Variants in PPHLN1 observed in about 807,000 individuals in gnomAD.
PPHLN1 encodes periphilin-1.
Under a neutral mutation model 51.3 loss-of-function variants are expected in PPHLN1, and 29 were observed. The observed-to-expected ratio is 0.57, with a 90% confidence interval of 0.42 to 0.77. The LOEUF is 0.77. PPHLN1 is among the 30% of genes least tolerant of loss of function. The probability of loss-of-function intolerance (pLI) is 0.00; values close to 1 mark genes in which losing one functional copy is unlikely to be tolerated. For synonymous variants in PPHLN1, 147 were observed against 147.8 expected (o/e 0.99, Z 0.04); for missense variants, 436 against 438.4 (o/e 0.99, Z 0.05).
At chr12:42,404,147 A>G (rs565612682) in intron 9 of PPHLN1, among the ~76,000 whole-genome samples, 21 of 152,190 alleles carry the variant, frequency 1.4e-4, no homozygotes, top group Non-Finnish European at 2.8e-4. Context: ...GAAAATTACC[A>G]TACAGGTGGT....
chr12:42,411,144 AT>A (rs2139509962), intron 9 of PPHLN1, among the ~76,000 whole-genome samples: 1 of 151,028 alleles, frequency 6.6e-6, no homozygotes, highest in East Asian at 1.9e-4. Flanking sequence ...TTATCCTTTC[AT>A]TTTCCTTACA....
At chr12:42,426,413 G>A (rs1592944564) in intron 9 of PPHLN1, among the ~76,000 whole-genome samples, 1 of 152,208 alleles carries the variant, frequency 6.6e-6, no homozygotes, top group African/African-American at 2.4e-5. Context: ...TGAGTTTGTA[G>A]CAGCAGTATG....
At chr12:42,408,571 G>T (rs1251707977) in intron 9 of PPHLN1, among the ~76,000 whole-genome samples, 3 of 152,054 alleles carry the variant, frequency 2.0e-5, no homozygotes, top group African/African-American at 7.2e-5. Flanking sequence ...TGGTGTTAGG[G>T]GATCTGGCTT....
chr12:42,374,931 A>G lies in PPHLN1; in HGVS notation c.368A>G (p.Tyr123Cys), dbSNP rs777227007. ...SSHYARERSP[Y>C]KRDNTFFRES... is the part of the protein sequence containing the mutation. ...CATTATGCGAGAGAGCGGTCTCCTT[A>G]TAAAAGGGACAATACTTTTTTCAGA... is the stretch of plus-strand genomic sequence containing the variant. Residue 123 changes from tyrosine (Y) to cysteine (C), a missense_variant, in exon 5 of 10, where the codon TAT becomes TGT. Tyr to Cys is a radical substitution (Grantham distance 194). Coordinates refer to ENST00000358314, the MANE Select transcript of PPHLN1 (RefSeq NM_201439.2). 6.2e-7 allele frequency: 1 copy of G among 1,613,474 alleles called. No homozygotes were observed. The highest frequency in any genetic ancestry group is 1.7e-5 in the Admixed American group (1 of 59,924).
At chr12:42,389,759 G>A (rs1291956276) in intron 7 of PPHLN1, among the ~76,000 whole-genome samples, 4 of 152,128 alleles carry the variant, frequency 2.6e-5, no homozygotes, top group Admixed American at 2.0e-4. Flanking sequence ...GGTGGATTGT[G>A]CTTTTATTTG....
At chr12:42,336,950 C>T (rs1162972308) in intron 2 of PPHLN1, among the ~76,000 whole-genome samples, 3 of 152,108 alleles carry the variant, frequency 2.0e-5, no homozygotes, top group Admixed American at 6.5e-5. Context: ...TTAGGTTTGT[C>T]GTTGTCCTAG....
At chr12:42,440,903 C>T (rs1036505122) in intron 9 of PPHLN1, among the ~76,000 whole-genome samples, 3 of 152,216 alleles carry the variant, frequency 2.0e-5, no homozygotes, top group African/African-American at 7.2e-5. Context: ...GTTATCTGAT[C>T]ATGATTCAAA....
At chr12:42,377,057 C>T (rs1311761816) in intron 5 of PPHLN1, among the ~76,000 whole-genome samples, 3 of 152,008 alleles carry the variant, frequency 2.0e-5, no homozygotes, top group African/African-American at 7.2e-5. Context: ...TTGGATGCAA[C>T]CTGACACAAG....
chr12:42,343,361 T>C (rs1053939084), intron 2 of PPHLN1, among the ~76,000 whole-genome samples: 2 of 152,178 alleles, frequency 1.3e-5, no homozygotes, highest in African/African-American at 4.8e-5. Flanking sequence ...TATTTTATTA[T>C]GGAATTTTTC....
intron 9 of PPHLN1, among the ~76,000 whole-genome samples, chr12:42,406,315 C>T (rs182041176): frequency 2.6e-5 from 4 of 151,912 alleles, no homozygotes; most frequent in African/African-American, 4.8e-5. Context: ...CTCCTGACCT[C>T]GTGATCCGCC....
At position 42,335,955 on chromosome 12, in the gene PPHLN1, C is replaced by A. The variant is rs756956080; in HGVS notation, c.53C>A (p.Pro18His). ...GAAAGAATTCCGAGAGAACGAGCAC[C>A]TCCTCGAAGTCATCCCAGTGTAAGT... ...EYERIPRERA[P>H]PRSHPSDGYN... Residue 18 changes from proline to histidine, a missense_variant, in exon 2 of 10, where the codon CCT becomes CAT. Coordinates refer to ENST00000358314, the MANE Select transcript of PPHLN1 (RefSeq NM_201439.2). The A allele has an allele frequency of 3.8e-6, 6 of 1,584,106 alleles. No individual in the cohort carries two copies. Among genetic ancestry groups the A allele is most frequent in the Non-Finnish European group, 1.7e-6 (2 of 1,163,388 alleles).
Position 42,370,513 on chromosome 12 carries a change from T to C in PPHLN1, c.300-4350T>C, listed in dbSNP as rs150842027. 1.1e-4 allele frequency among the ~76,000 whole-genome samples: 16 copies of C among 152,356 alleles called. No individual in the cohort carries two copies. The East Asian group carries it at 3.1e-3, about 29-fold the overall frequency. ...TCTATTTATTCTTTTCATATTCTTC[T>C]CTTCTACTTAGTCCCTTTGTCTCAC... On this transcript the variant is annotated intron_variant, in intron 4 of 9. Coordinates refer to ENST00000358314, the MANE Select transcript of PPHLN1 (RefSeq NM_201439.2).
Position 42,422,077 on chromosome 12 carries a change from G to A in PPHLN1, c.910-19238G>A, listed in dbSNP as rs2081054870. On this transcript the variant is annotated intron_variant, in intron 9 of 9. Transcript: ENST00000358314. ...AAGACCAGAAGTAAGAGTGCACAGG[G>A]TCAGATTTCAGCACTAATGGTACCT... Among the ~76,000 whole-genome samples, 2 of 152,116 alleles carry A rather than the reference G, an allele frequency of 1.3e-5. 1 individual carries two copies. Among genetic ancestry groups the A allele is most frequent in the Non-Finnish European group, 2.9e-5 (2 of 68,040 alleles).
At chr12:42,410,073 CTAAT>C (rs949886354) in intron 9 of PPHLN1, among the ~76,000 whole-genome samples, 2 of 151,960 alleles carry the variant, frequency 1.3e-5, no homozygotes, top group Admixed American at 1.3e-4. Flanking sequence ...TTGTAAATCT[CTAAT>C]TATCTGCTTT....
At chr12:42,340,575 A>G (rs1214462786) in intron 2 of PPHLN1, among the ~76,000 whole-genome samples, 1 of 152,262 alleles carries the variant, frequency 6.6e-6, no homozygotes, top group Admixed American at 6.5e-5. Context: ...GAAGTCAGTC[A>G]CAAGAGTTTA....
intron 3 of PPHLN1, among the ~76,000 whole-genome samples, chr12:42,353,230 C>T (rs2073617950): frequency 6.6e-6 from 1 of 152,132 alleles, no homozygotes; most frequent in Non-Finnish European, 1.5e-5. Flanking sequence ...TTCCTCTGTC[C>T]TACCTTGCAT....
Position 42,441,420 on chromosome 12 carries a change from C to T in PPHLN1, c.1015C>T (p.His339Tyr). 1.2e-6 allele frequency: 2 copies of T among 1,613,640 alleles called. No homozygotes were observed. The highest frequency in any genetic ancestry group is 1.7e-6 in the Non-Finnish European group (2 of 1,179,934). Residue 339 changes from histidine to tyrosine, a missense_variant, in exon 10 of 10, where the codon CAT becomes TAT. By Grantham distance (83) the His-to-Tyr change is moderately conservative (BLOSUM62 2). Transcript: ENST00000358314. Reference protein sequence around the residue: ...SIQFALRQNLHEIGERCVEEL... With the variant: ...SIQFALRQNLYEIGERCVEEL... ...ACAGTTTGCATTGAGGCAGAATTTA[C>T]ATGAAATAGGTGAGCGGTGTGTTGA...
At chr12:42,384,131 T>A (rs1669907) in intron 5 of PPHLN1, among the ~76,000 whole-genome samples, 5 of 151,766 alleles carry the variant, frequency 3.3e-5, no homozygotes, top group Admixed American at 6.6e-5. Flanking sequence ...AGGATACTGC[T>A]TCCTCAACAT....
intron 9 of PPHLN1, among the ~76,000 whole-genome samples, chr12:42,419,398 C>CACCTGGCT (rs71084651): frequency 0.96 from 146,431 of 151,964 alleles, 70,797 homozygotes; most frequent in Middle Eastern, 1. Context: ...CCCACCACCA[C>CACCTGGCT]ACCTTTTATA....
Sources: gnomAD v4.1 joint callset for allele counts (sites outside exome capture counted in the v4.1 genomes callset) on GRCh38, gnomAD v4.1.1 for gene constraint, MANE v1.5 for transcripts, NCBI Gene and HGNC (gene_info 2026-07-23, HGNC 2026-07-21) for gene names.